The following RUNX1T1 variants were observed in gnomAD, a reference collection of about 807,000 sequenced individuals.
RUNX1T1 encodes the protein protein CBFA2T1.
RUNX1T1 carries 4 observed loss-of-function variants against 62.8 expected under a neutral mutation model. The ratio of observed to expected loss-of-function variants is 0.06; its 90% confidence interval spans 0.03 to 0.15. The LOEUF is 0.15. Among genes scored for constraint, RUNX1T1 ranks in the 10% least tolerant of loss-of-function variants. The pLI, the probability that RUNX1T1 is intolerant of heterozygous loss-of-function variation, is 1.00. For synonymous variants in RUNX1T1, 291 were observed against 286.0 expected, an observed-to-expected ratio of 1.02 and a Z score of -0.18; for missense variants, 508 against 754.3, an observed-to-expected ratio of 0.67 and a Z score of 3.82.
upstream of RUNX1T1, chr8:92,102,997 C>T: frequency 8.8e-7 from 1 of 1,142,482 alleles, no homozygotes; most frequent in Non-Finnish European, 1.2e-6. This position sits in a 1 kb window ranked among gnomAD's most constrained non-coding sequence, Gnocchi z 4.5. Flanking sequence ...TGTCCGCGGC[C>T]ACTCGCCCAC....
rs533900027 is a variant in RUNX1T1, at chr8:92,043,134, G to A, written c.7+19412C>T. Among the ~76,000 whole-genome samples, 4 of 152,296 alleles carry A rather than the reference G, an allele frequency of 2.6e-5. 1 individual carries two copies. The highest frequency in any genetic ancestry group is 9.6e-5 in the African/African-American group (4 of 41,570). ...GTGGAGAAAGAGGTGTTCTAAGGAA[G>A]AATTTCAATCTATACATATTTCTCA... On this transcript the variant is annotated intron_variant, in intron 1 of 10. Transcript: ENST00000396218.
At chr8:92,046,720 T>A (rs1458993084) in intron 1 of RUNX1T1, among the ~76,000 whole-genome samples, 1 of 152,138 alleles carries the variant, frequency 6.6e-6, no homozygotes, top group Non-Finnish European at 1.5e-5. Flanking sequence ...AAATGCCTGT[T>A]TTGGGTATCT....
intron 1 of RUNX1T1, among the ~76,000 whole-genome samples, chr8:92,021,690 T>A (rs960079734): frequency 6.6e-6 from 1 of 152,040 alleles, no homozygotes; most frequent in Non-Finnish European, 1.5e-5. Flanking sequence ...CTGTCCCTCA[T>A]AGGAATGTGG....
At chr8:92,012,538 C>A (rs1353825623) in intron 3 of RUNX1T1, among the ~76,000 whole-genome samples, 1 of 151,852 alleles carries the variant, frequency 6.6e-6, no homozygotes, top group East Asian at 1.9e-4. Context: ...CAGAGAAAGA[C>A]CCTGTCTCAA....
chr8:92,038,632 T>TA (rs1827858055), intron 1 of RUNX1T1, among the ~76,000 whole-genome samples: 1 of 152,004 alleles, frequency 6.6e-6, no homozygotes, highest in Non-Finnish European at 1.5e-5. Context: ...AGTCATCCAG[T>TA]AAAAAAACCA....
At chr8:92,060,552 T>TATATA (rs1563872414) in intron 1 of RUNX1T1, among the ~76,000 whole-genome samples, 2 of 120,512 alleles carry the variant, frequency 1.7e-5, no homozygotes, top group South Asian at 5.7e-4. Flanking sequence ...TATATATATA[T>TATATA]ATGTGTGTGT....
intron 2 of RUNX1T1, among the ~76,000 whole-genome samples, chr8:92,016,636 C>T (rs1320872936): frequency 2.0e-5 from 3 of 152,134 alleles, no homozygotes; most frequent in Non-Finnish European, 4.4e-5. Context: ...GATCGTGCCA[C>T]TGCACTCCAG....
At chr8:92,028,880 AAAAAAC>A (rs1825741549) in intron 1 of RUNX1T1, among the ~76,000 whole-genome samples, 1 of 152,214 alleles carries the variant, frequency 6.6e-6, no homozygotes, top group Admixed American at 6.5e-5. Flanking sequence ...AAAAACAAAC[AAAAAAC>A]AAAAACAAGT....
chr8:92,047,962 G>C (rs1312218247), intron 1 of RUNX1T1, among the ~76,000 whole-genome samples: 2 of 152,148 alleles, frequency 1.3e-5, no homozygotes, highest in African/African-American at 4.8e-5. Flanking sequence ...TTGAGCAGCT[G>C]AGTAGTCCTT....
At chr8:92,017,520 C>T in intron 1 of RUNX1T1, 157 bp from the exon 3 acceptor site, 4 of 1,517,616 alleles carry the variant, frequency 2.6e-6, no homozygotes, top group East Asian at 2.5e-5. Context: ...AGGATTTTAT[C>T]ATCCAAACCC....
intron 6 of RUNX1T1, among the ~76,000 whole-genome samples, chr8:91,991,002 C>T (rs899477422): frequency 3.9e-4 from 59 of 152,162 alleles, no homozygotes; most frequent in Non-Finnish European, 4.3e-4. Flanking sequence ...AAGGAATGAA[C>T]ACAGGGAAAT....
intron 1 of RUNX1T1, among the ~76,000 whole-genome samples, chr8:92,023,431 T>C (rs1263716276): frequency 6.6e-6 from 1 of 152,208 alleles, no homozygotes; most frequent in Non-Finnish European, 1.5e-5. Context: ...GTGATGATCA[T>C]AACTAGCCTT....
chr8:92,059,878 G>A (rs1404328426), intron 1 of RUNX1T1, among the ~76,000 whole-genome samples: 1 of 152,060 alleles, frequency 6.6e-6, no homozygotes, highest in East Asian at 1.9e-4. Context: ...TGGAGAGCAG[G>A]ACCATTGAGA....
intron 3 of RUNX1T1, among the ~76,000 whole-genome samples, chr8:92,011,855 T>C (rs1821999082): frequency 6.6e-6 from 1 of 152,198 alleles, no homozygotes; most frequent in Non-Finnish European, 1.5e-5. Flanking sequence ...ATAGATAATG[T>C]GTGTTGGTAA....
At chr8:92,064,583 G>A (rs1160296479), upstream of RUNX1T1, among the ~76,000 whole-genome samples, 2 of 152,018 alleles carry the variant, frequency 1.3e-5, no homozygotes, top group African/African-American at 2.4e-5. Context: ...TTTAAAGAGA[G>A]TATTTTTGAA....
In RUNX1T1 at chr8:91,988,787, T is replaced by G. The variant is rs552645905; in HGVS notation, c.911-1815A>C. ...ACAGTACTAAGCTTCATCTCATTTT[T>G]AAAAAAATATTAAGTGCATTAGAAA... On this transcript the variant is annotated intron_variant, in intron 6 of 10. Coordinates refer to ENST00000396218, the Ensembl canonical transcript of RUNX1T1. Among the ~76,000 whole-genome samples, 9 of 152,232 alleles carry G rather than the reference T, an allele frequency of 5.9e-5. No individual in the cohort carries two copies. In the South Asian group the frequency reaches 8.3e-4, roughly 14 times the overall value.
intron 1 of RUNX1T1, among the ~76,000 whole-genome samples, chr8:92,024,497 CAAAA>C (rs34547904): frequency 1.1e-4 from 2 of 17,546 alleles, no homozygotes; most frequent in Admixed American, 7.8e-4. Context: ...AACCCCAACT[CAAAA>C]AAAAAAAAAA....
intron 2 of RUNX1T1, among the ~76,000 whole-genome samples, chr8:92,071,798 C>T (rs1833717399): frequency 6.6e-6 from 1 of 152,084 alleles, no homozygotes; most frequent in Admixed American, 6.5e-5. Context: ...TGAGCCTGAC[C>T]CCGAAGCTGC....
At chr8:91,987,013 G>A (rs1586837297) in intron 6 of RUNX1T1, 41 bp from the exon 8 acceptor site, 3 of 1,275,294 alleles carry the variant, frequency 2.4e-6, no homozygotes, top group Non-Finnish European at 3.4e-6. Flanking sequence ...AAAGCATTCA[G>A]TACACAACCC....
Sources: allele counts gnomAD v4.1 joint callset (sites outside exome capture counted in the v4.1 genomes callset), GRCh38; gene constraint gnomAD v4.1.1; non-coding constraint Gnocchi (gnomAD v3.1); transcripts MANE v1.5; gene names NCBI Gene and HGNC (gene_info 2026-07-23, HGNC 2026-07-21).